Variants in LTBP1 observed in about 807,000 individuals in gnomAD.
LTBP1 encodes the protein latent transforming growth factor beta binding protein 1, also known as latent-transforming growth factor beta-binding protein 1.
A neutral mutation model predicts 207.6 loss-of-function variants in LTBP1; 129 were observed. That is an observed-to-expected ratio of 0.62 (90% CI 0.54 to 0.72). LTBP1 has a LOEUF of 0.72. Ranked by LOEUF, LTBP1 falls within the 30% of genes least tolerant of loss-of-function variation. The probability of loss-of-function intolerance (pLI) is 0.00; values close to 1 mark genes in which losing one functional copy is unlikely to be tolerated. For synonymous variants in LTBP1, 963 were observed against 833.7 expected, an observed-to-expected ratio of 1.16 and a Z score of -2.67; for missense variants, 2,281 against 2,217.2, an observed-to-expected ratio of 1.03 and a Z score of -0.58.
At chr2:32,959,128 G>T (rs1055305603) in intron 2 of LTBP1, among the ~76,000 whole-genome samples, 3 of 152,184 alleles carry the variant, frequency 2.0e-5, no homozygotes, top group African/African-American at 7.2e-5. Context: ...TTGTAAACTA[G>T]AAGATGGATG....
intron 2 of LTBP1, among the ~76,000 whole-genome samples, chr2:32,960,969 A>T (rs1379151381): frequency 1.3e-5 from 2 of 152,254 alleles, no homozygotes; most frequent in Non-Finnish European, 2.9e-5. Flanking sequence ...AGGGGACTGT[A>T]CAACACAAGC....
At chr2:32,980,453 A>G (rs971357188) in intron 2 of LTBP1, among the ~76,000 whole-genome samples, 2 of 152,168 alleles carry the variant, frequency 1.3e-5, no homozygotes, top group African/African-American at 4.8e-5. Context: ...GAAAACTAAT[A>G]ACTTTAACTT....
At chr2:33,236,969 T>G (rs1009135067) in intron 9 of LTBP1, among the ~76,000 whole-genome samples, 1 of 152,220 alleles carries the variant, frequency 6.6e-6, no homozygotes, top group Admixed American at 6.5e-5. Flanking sequence ...CTTTTTTCAG[T>G]GAGTCCAGTG....
At chr2:32,981,280 G>T (rs928772274) in intron 2 of LTBP1, among the ~76,000 whole-genome samples, 4 of 151,970 alleles carry the variant, frequency 2.6e-5, no homozygotes, top group African/African-American at 9.7e-5. Context: ...GTGTATTTTT[G>T]TTGTTTAGTA....
At chr2:33,341,725 A>AT (rs1330972442) in intron 24 of LTBP1, among the ~76,000 whole-genome samples, 290 of 93,174 alleles carry the variant, frequency 3.1e-3, no homozygotes, top group Non-Finnish European at 4.0e-3. Flanking sequence ...AAAAAAAAAA[A>AT]AAAAATATAT....
chr2:33,103,798 C>T (rs1477309004), intron 3 of LTBP1, among the ~76,000 whole-genome samples: 1 of 152,046 alleles, frequency 6.6e-6, no homozygotes, highest in East Asian at 1.9e-4. Flanking sequence ...TAGCATTCAC[C>T]CATCCTTCTC....
At chr2:33,229,845 T>C (rs1028904218) in intron 9 of LTBP1, among the ~76,000 whole-genome samples, 3 of 152,224 alleles carry the variant, frequency 2.0e-5, no homozygotes. Context: ...AGCAGTGTTA[T>C]ACTTTTTGGC....
chr2:33,375,213 G>A (rs17012892), intron 31 of LTBP1, among the ~76,000 whole-genome samples: 7,378 of 152,252 alleles, frequency 0.048, 181 homozygotes, highest in African/African-American at 0.061. Flanking sequence ...GCATGGGAGA[G>A]GATTGGCCTA....
chr2:33,174,121 C>T (rs2085765209), intron 5 of LTBP1, among the ~76,000 whole-genome samples: 2 of 147,778 alleles, frequency 1.4e-5, no homozygotes, highest in African/African-American at 4.9e-5. Context: ...TCTCTCACCA[C>T]TCCTATTCAA....
intron 4 of LTBP1, among the ~76,000 whole-genome samples, chr2:33,114,322 G>A (rs554415111): frequency 6.6e-6 from 1 of 152,314 alleles, no homozygotes; most frequent in South Asian, 2.1e-4. Flanking sequence ...TATTTATATA[G>A]CTATTTAACA....
chr2:33,317,515 A>G (rs189834187), intron 24 of LTBP1, among the ~76,000 whole-genome samples: 1 of 152,312 alleles, frequency 6.6e-6, no homozygotes, highest in East Asian at 1.9e-4. Context: ...CAGTAGTGCT[A>G]TGTCCTGATT....
intron 5 of LTBP1, among the ~76,000 whole-genome samples, chr2:33,173,638 C>G (rs2085704835): frequency 6.6e-6 from 1 of 151,650 alleles, no homozygotes; most frequent in Non-Finnish European, 1.5e-5. Flanking sequence ...AGAGGGAATC[C>G]TCCCTAACTC....
At chr2:33,328,185 A>G (rs1419650647) in intron 24 of LTBP1, among the ~76,000 whole-genome samples, 2 of 151,918 alleles carry the variant, frequency 1.3e-5, no homozygotes, top group Non-Finnish European at 2.9e-5. Context: ...AATAAAATGC[A>G]TGTAGAAAAG....
chr2:33,130,670 G>A (rs147460378), intron 4 of LTBP1, among the ~76,000 whole-genome samples: 7 of 152,070 alleles, frequency 4.6e-5, no homozygotes, highest in African/African-American at 1.7e-4. Flanking sequence ...GTTTTAAACC[G>A]AGTGCCAGTG....
intron 3 of LTBP1, among the ~76,000 whole-genome samples, chr2:33,028,586 C>T (rs1029919769): frequency 6.6e-6 from 1 of 152,160 alleles, no homozygotes; most frequent in African/African-American, 2.4e-5. Flanking sequence ...CAAAAAGTCA[C>T]TGATTGGAAT....
At chr2:33,239,738 CAA>C (rs372396935) in intron 9 of LTBP1, among the ~76,000 whole-genome samples, 2 of 126,994 alleles carry the variant, frequency 1.6e-5, no homozygotes, top group Admixed American at 8.0e-5. Flanking sequence ...ACTAAAAATA[CAA>C]AAAAAAAAAA....
chr2:33,163,217 G>A (rs2084614684), intron 5 of LTBP1, among the ~76,000 whole-genome samples: 1 of 152,180 alleles, frequency 6.6e-6, no homozygotes, highest in Non-Finnish European at 1.5e-5. Flanking sequence ...AGGCTCAAGT[G>A]ATCCACTTGC....
chr2:33,068,462 C>T (rs566832570), intron 3 of LTBP1, among the ~76,000 whole-genome samples: 1 of 152,042 alleles, frequency 6.6e-6, no homozygotes, highest in Non-Finnish European at 1.5e-5. Flanking sequence ...GTCCAGAGTC[C>T]ATAGTTTATA....
intron 2 of LTBP1, among the ~76,000 whole-genome samples, chr2:32,965,606 A>C (rs1679869922): frequency 6.6e-6 from 1 of 152,112 alleles, no homozygotes. Flanking sequence ...GGCTTCTTTC[A>C]CTTAGTAATA....
Sources: allele counts gnomAD v4.1 joint callset (sites outside exome capture counted in the v4.1 genomes callset), GRCh38; gene constraint gnomAD v4.1.1; transcripts MANE v1.5; gene names NCBI Gene and HGNC (gene_info 2026-07-23, HGNC 2026-07-21).